The following ADAM2 variants were observed in gnomAD, a reference collection of about 807,000 sequenced individuals.
ADAM2 encodes ADAM metallopeptidase domain 2, also known as disintegrin and metalloproteinase domain-containing protein 2.
In ADAM2, 101 loss-of-function variants were observed where a neutral mutation model predicts 99.3. The observed-to-expected ratio is 1.02, with a 90% CI of 0.87 to 1.20. The LOEUF is 1.20. Among genes scored for constraint, ADAM2 ranks in the 50% most tolerant of loss-of-function variants. The pLI is 0.00. For synonymous variants in ADAM2, 323 were observed against 287.6 expected, an observed-to-expected ratio of 1.12 and a Z score of -1.25; for missense variants, 948 against 878.7, an observed-to-expected ratio of 1.08 and a Z score of -1.00.
At chr8:39,754,904 AAGAT>A (rs1419793745) in intron 16 of ADAM2, among the ~76,000 whole-genome samples, 3 of 152,200 alleles carry the variant, frequency 2.0e-5, no homozygotes, top group Non-Finnish European at 1.5e-5. Flanking sequence ...CAAAGTAAGA[AAGAT>A]AGTTATGTAG....
intron 11 of ADAM2, among the ~76,000 whole-genome samples, chr8:39,773,927 T>C (rs545481877): frequency 6.6e-6 from 1 of 151,986 alleles, no homozygotes; most frequent in Admixed American, 6.6e-5. Context: ...CAGGCAAATA[T>C]ACTTTGCCAA....
intron 10 of ADAM2, 51 bp downstream of exon 10, chr8:39,786,923 A>G: frequency 1.6e-6 from 2 of 1,287,332 alleles, no homozygotes; most frequent in Non-Finnish European, 2.2e-6. Context: ...GAAAATGTGT[A>G]ACTGTATACT....
intron 15 of ADAM2, among the ~76,000 whole-genome samples, chr8:39,760,219 T>C (rs926369671): frequency 6.6e-6 from 1 of 152,170 alleles, no homozygotes; most frequent in Non-Finnish European, 1.5e-5. Context: ...AGCACTCATA[T>C]AGTACATACT....
chr8:39,779,842 T>G (rs1264731727), intron 10 of ADAM2, among the ~76,000 whole-genome samples: 1 of 152,120 alleles, frequency 6.6e-6, no homozygotes, highest in African/African-American at 2.4e-5. Context: ...GCCATATAAG[T>G]TTTTTTAGAA....
chr8:39,821,260 G>A (rs1173038185), intron 5 of ADAM2, 90 bp from the exon 6 acceptor site: 2 of 927,590 alleles, frequency 2.2e-6, no homozygotes, highest in South Asian at 3.8e-5. Context: ...TTCATGGTAT[G>A]CAGATTATTT....
chr8:39,793,196 A>G (rs1249641414), intron 7 of ADAM2, among the ~76,000 whole-genome samples: 1 of 152,108 alleles, frequency 6.6e-6, no homozygotes. Flanking sequence ...TTATTTCAGC[A>G]AATGATAGTA....
intron 3 of ADAM2, among the ~76,000 whole-genome samples, chr8:39,831,413 C>G (rs1252596222): frequency 2.0e-5 from 3 of 151,934 alleles, no homozygotes; most frequent in Non-Finnish European, 4.4e-5. Flanking sequence ...CTCCACAACA[C>G]AAAAAAGATT....
intron 7 of ADAM2, among the ~76,000 whole-genome samples, chr8:39,800,603 A>G (rs890613628): frequency 3.3e-5 from 5 of 152,176 alleles, no homozygotes; most frequent in African/African-American, 1.2e-4. Context: ...TCTCCTGGAT[A>G]ATATACTGAA....
chr8:39,835,240 T>C (rs1805773550), intron 2 of ADAM2, among the ~76,000 whole-genome samples: 1 of 152,194 alleles, frequency 6.6e-6, no homozygotes, highest in South Asian at 2.1e-4. Context: ...CACTCTATGC[T>C]TAAGCTTCTA....
At chr8:39,826,798 A>G (rs1367576495) in intron 3 of ADAM2, among the ~76,000 whole-genome samples, 1 of 152,150 alleles carries the variant, frequency 6.6e-6, no homozygotes, top group Non-Finnish European at 1.5e-5. Flanking sequence ...CTACTAGAAG[A>G]AAGCATAGAG....
intron 7 of ADAM2, among the ~76,000 whole-genome samples, chr8:39,796,295 G>T (rs1803941436): frequency 6.6e-6 from 1 of 152,080 alleles, no homozygotes; most frequent in African/African-American, 2.4e-5. Context: ...TGTGGTGTTT[G>T]GTTTTCTGTT....
rs193130258 is a variant in ADAM2, at chr8:39,805,924, G to A, written c.570+3486C>T. Among the ~76,000 whole-genome samples the A allele has an allele frequency of 4.6e-5, 7 of 152,212 alleles. No individual in the cohort carries two copies. The South Asian group carries it at 6.2e-4, about 14-fold the overall frequency. Reference sequence around the variant, plus strand: ...ACAATGCAACAGCCAAAATGGTCTCGAAAGCACCCATATAGTCATGGTAGT... The same window carrying A: ...ACAATGCAACAGCCAAAATGGTCTCAAAAGCACCCATATAGTCATGGTAGT... On this transcript the variant is annotated intron_variant, in intron 7 of 20. Transcript: ENST00000265708.
At chr8:39,834,066 T>C in intron 2 of ADAM2, 67 bp from the exon 3 acceptor site, 1 of 821,758 alleles carries the variant, frequency 1.2e-6, no homozygotes, top group Non-Finnish European at 2.0e-6. Flanking sequence ...TAACCATCAT[T>C]TTACATTAAT....
intron 10 of ADAM2, among the ~76,000 whole-genome samples, chr8:39,778,741 G>A (rs1194544539): frequency 1.3e-5 from 2 of 151,834 alleles, no homozygotes; most frequent in Non-Finnish European, 2.9e-5. Context: ...AGAAGGGGAA[G>A]GAGAAGGAGA....
chr8:39,811,550 C>G (rs1332554105), intron 6 of ADAM2, among the ~76,000 whole-genome samples: 2 of 152,182 alleles, frequency 1.3e-5, no homozygotes, highest in East Asian at 1.9e-4. Flanking sequence ...CAAACCGAAT[C>G]CAGCAGCACA....
intron 7 of ADAM2, among the ~76,000 whole-genome samples, chr8:39,796,899 T>C (rs1265121287): frequency 1.3e-5 from 2 of 152,196 alleles, no homozygotes; most frequent in Non-Finnish European, 2.9e-5. Context: ...TTGTTTTTTT[T>C]CTTGTAAATA....
intron 6 of ADAM2, among the ~76,000 whole-genome samples, chr8:39,820,757 T>C (rs532252370): frequency 2.5e-4 from 38 of 152,134 alleles, no homozygotes; most frequent in African/African-American, 9.2e-4. Context: ...ACAATAAAGG[T>C]CTAGATTACA....
chr8:39,820,777 G>A (rs190078553), intron 6 of ADAM2, among the ~76,000 whole-genome samples: 48 of 152,212 alleles, frequency 3.2e-4, no homozygotes, highest in African/African-American at 4.8e-5. Flanking sequence ...AGAAAAAGAT[G>A]CCACTAACAG....
At chr8:39,800,646 T>C (rs1804167618) in intron 7 of ADAM2, among the ~76,000 whole-genome samples, 1 of 152,154 alleles carries the variant, frequency 6.6e-6, no homozygotes, top group Admixed American at 6.5e-5. Context: ...ATTCTCCCCA[T>C]CTCCTTCTGA....
Sources: gnomAD v4.1 joint callset for allele counts (sites outside exome capture counted in the v4.1 genomes callset) on GRCh38, gnomAD v4.1.1 for gene constraint, MANE v1.5 for transcripts, NCBI Gene and HGNC (gene_info 2026-07-23, HGNC 2026-07-21) for gene names.